The following CSMD1 variants were observed in gnomAD, a reference collection of about 807,000 sequenced individuals.
The protein encoded by CSMD1 is CUB and Sushi multiple domains 1, also known as CUB and sushi domain-containing protein 1.
CSMD1 carries 213 observed loss-of-function variants against 417.5 expected under a neutral mutation model. The ratio of observed to expected loss-of-function variants is 0.51; its 90% confidence interval spans 0.46 to 0.57. CSMD1 has a LOEUF of 0.57. Among genes scored for constraint, CSMD1 ranks in the 20% least tolerant of loss-of-function variants. The probability of loss-of-function intolerance (pLI) is 0.00; values close to 1 mark genes in which losing one functional copy is unlikely to be tolerated. For missense variants in CSMD1, 6,923 were observed against 4,529.7 expected, an observed-to-expected ratio of 1.53 and a Z score of -15.17; for synonymous variants, 2,862 against 1,736.8, an observed-to-expected ratio of 1.65 and a Z score of -16.11.
At chr8:3,961,422 A>G (rs2129982870) in intron 5 of CSMD1, among the ~76,000 whole-genome samples, 1 of 152,342 alleles carries the variant, frequency 6.6e-6, no homozygotes, top group South Asian at 2.1e-4. Flanking sequence ...CCAAGTGCCA[A>G]ATATTCCCAC....
At chr8:3,557,940 A>G (rs1436065115) in intron 10 of CSMD1, among the ~76,000 whole-genome samples, 3 of 152,156 alleles carry the variant, frequency 2.0e-5, no homozygotes, top group African/African-American at 4.8e-5. Context: ...GTTGGTTTGC[A>G]AAAACATTGT....
At chr8:4,628,996 A>C (rs1371618278) in intron 2 of CSMD1, among the ~76,000 whole-genome samples, 1 of 152,200 alleles carries the variant, frequency 6.6e-6, no homozygotes, top group Non-Finnish European at 1.5e-5. Context: ...TCCGCAAATA[A>C]AATGTCATTG....
intron 2 of CSMD1, among the ~76,000 whole-genome samples, chr8:4,530,008 G>A (rs571435219): frequency 4.9e-4 from 74 of 151,960 alleles, no homozygotes; most frequent in Non-Finnish European, 7.9e-4. Context: ...CCCGCCTTCC[G>A]GGTTCATGCC....
In CSMD1 at chr8:3,762,709, C is replaced by T. The variant is rs188018394; in HGVS notation, c.819-8667G>A. ...AAGAGAGAGAGCCAAAGCTGTCCGT[C>T]TGCAAAGATGGTCGGGGGGAGCCAG... On this transcript the variant is annotated intron_variant, in intron 5 of 69. Coordinates refer to ENST00000635120, the MANE Select transcript of CSMD1 (RefSeq NM_033225.6). Among the ~76,000 whole-genome samples the T allele has an allele frequency of 5.3e-5, 8 of 152,318 alleles. No individual in the cohort carries two copies. In the East Asian group the frequency reaches 1.6e-3, roughly 30 times the overall value.
At chr8:4,838,929 G>A (rs1018420874) in intron 1 of CSMD1, among the ~76,000 whole-genome samples, 2 of 152,160 alleles carry the variant, frequency 1.3e-5, no homozygotes, top group Admixed American at 6.5e-5. Flanking sequence ...CTTATTTTAT[G>A]AAAGACAAAT....
chr8:4,975,283 C>A (rs1810485508), intron 1 of CSMD1, among the ~76,000 whole-genome samples: 1 of 152,128 alleles, frequency 6.6e-6, no homozygotes, highest in South Asian at 2.1e-4. Flanking sequence ...AAGAGAATAT[C>A]TGCTGTATAT....
chr8:4,566,225 A>AATGTAGCT (rs1251232560), intron 2 of CSMD1, among the ~76,000 whole-genome samples: 8 of 152,138 alleles, frequency 5.3e-5, no homozygotes, highest in African/African-American at 1.7e-4. Context: ...TACATTCAAC[A>AATGTAGCT]ATGTAGCTAT....
intron 5 of CSMD1, among the ~76,000 whole-genome samples, chr8:3,855,191 A>G (rs950277495): frequency 7.2e-5 from 11 of 152,362 alleles, no homozygotes; most frequent in African/African-American, 2.2e-4. Flanking sequence ...ACAAAGATGT[A>G]TTATTAAAAC....
At chr8:4,750,299 C>T (rs1168291416) in intron 1 of CSMD1, among the ~76,000 whole-genome samples, 2 of 152,300 alleles carry the variant, frequency 1.3e-5, no homozygotes, top group Non-Finnish European at 2.9e-5. Flanking sequence ...AACCACCATG[C>T]CCGGCCCTGA....
At chr8:4,472,276 T>A (rs1938987158) in intron 2 of CSMD1, among the ~76,000 whole-genome samples, 1 of 152,174 alleles carries the variant, frequency 6.6e-6, no homozygotes. Flanking sequence ...CAGTCTCTTC[T>A]AATAATTAAA....
intron 3 of CSMD1, among the ~76,000 whole-genome samples, chr8:4,180,363 T>C (rs552398612): frequency 2.2e-5 from 3 of 139,392 alleles, no homozygotes; most frequent in Admixed American, 8.1e-5. Flanking sequence ...CACTCATACA[T>C]GGGAATTGAA....
intron 5 of CSMD1, among the ~76,000 whole-genome samples, chr8:3,914,658 G>A (rs752657452): frequency 1.3e-5 from 2 of 152,108 alleles, no homozygotes; most frequent in Non-Finnish European, 2.9e-5. Context: ...CCTAGTCCAC[G>A]TTAGTATGCA....
At chr8:4,063,943 T>C (rs1039116282) in intron 3 of CSMD1, among the ~76,000 whole-genome samples, 1 of 152,158 alleles carries the variant, frequency 6.6e-6, no homozygotes, top group African/African-American at 2.4e-5. Flanking sequence ...CAGATTTCAT[T>C]AAATCATAAA....
intron 3 of CSMD1, among the ~76,000 whole-genome samples, chr8:4,227,528 CCTAA>C: frequency 6.6e-6 from 1 of 152,156 alleles, no homozygotes; most frequent in South Asian, 2.1e-4. Context: ...ACATTATAGA[CCTAA>C]CTGAGAAGCA....
intron 1 of CSMD1, among the ~76,000 whole-genome samples, chr8:4,858,249 T>C (rs931561332): frequency 1.3e-5 from 2 of 150,814 alleles, no homozygotes; most frequent in African/African-American, 2.5e-5. Context: ...AAATTAGGTA[T>C]TGATGGGACG....
At chr8:3,824,045 A>G (rs1324817360) in intron 5 of CSMD1, among the ~76,000 whole-genome samples, 2 of 152,138 alleles carry the variant, frequency 1.3e-5, no homozygotes, top group East Asian at 3.9e-4. Flanking sequence ...CAAAAGTCTG[A>G]TATTTCATTC....
chr8:4,185,159 A>G (rs1384812962), intron 3 of CSMD1, among the ~76,000 whole-genome samples: 10 of 149,332 alleles, frequency 6.7e-5, no homozygotes, highest in African/African-American at 2.5e-4. Context: ...AAAAAAAAAA[A>G]AAAGCAAACG....
At chr8:4,410,561 G>C (rs1000356252) in intron 3 of CSMD1, among the ~76,000 whole-genome samples, 1 of 152,066 alleles carries the variant, frequency 6.6e-6, no homozygotes, top group Non-Finnish European at 1.5e-5. Context: ...TTTGCTTATT[G>C]AAGTTCATTT....
intron 2 of CSMD1, among the ~76,000 whole-genome samples, chr8:4,596,838 A>G (rs1043145512): frequency 6.6e-6 from 1 of 152,108 alleles, no homozygotes; most frequent in African/African-American, 2.4e-5. Context: ...ACCCAGGGGG[A>G]GGTAATTGAA....
Sources: gnomAD v4.1 joint callset for allele counts (sites outside exome capture counted in the v4.1 genomes callset) on GRCh38, gnomAD v4.1.1 for gene constraint, MANE v1.5 for transcripts, NCBI Gene and HGNC (gene_info 2026-07-23, HGNC 2026-07-21) for gene names.